The following COP1 variants were observed in gnomAD, a reference collection of about 807,000 sequenced individuals.
COP1 encodes the protein COP1 E3 ubiquitin ligase, also known as E3 ubiquitin-protein ligase COP1.
A neutral mutation model predicts 101.3 loss-of-function variants in COP1; 24 were observed. That is an observed-to-expected ratio of 0.24 (90% CI 0.17 to 0.33). The LOEUF is 0.33. Ranked by LOEUF, COP1 falls within the 10% of genes least tolerant of loss-of-function variation. The probability of loss-of-function intolerance (pLI) is 1.00; values close to 1 mark genes in which losing one functional copy is unlikely to be tolerated. For missense variants in COP1, 663 were observed against 906.2 expected, an observed-to-expected ratio of 0.73 and a Z score of 3.45; for synonymous variants, 347 against 341.9, an observed-to-expected ratio of 1.01 and a Z score of -0.17.
At chr1:176,131,572 G>C (rs1688901816) in intron 8 of COP1, among the ~76,000 whole-genome samples, 1 of 151,654 alleles carries the variant, frequency 6.6e-6, no homozygotes, top group Non-Finnish European at 1.5e-5. Flanking sequence ...TTAAAAGAGA[G>C]ATCAAAACTT....
chr1:176,123,058 T>C (rs1003962905), intron 8 of COP1, among the ~76,000 whole-genome samples: 2 of 152,244 alleles, frequency 1.3e-5, no homozygotes, highest in African/African-American at 4.8e-5. Flanking sequence ...ATTCTACTAC[T>C]ACTTTCCAAC....
intron 15 of COP1, among the ~76,000 whole-genome samples, chr1:175,992,343 T>C (rs1290922719): frequency 1.3e-5 from 2 of 152,210 alleles, no homozygotes; most frequent in African/African-American, 4.8e-5. Context: ...GATTTTGCAT[T>C]TCCATCTGAG....
chr1:176,021,010 GT>G (rs1208439363), intron 15 of COP1, among the ~76,000 whole-genome samples: 1 of 152,066 alleles, frequency 6.6e-6, no homozygotes. Flanking sequence ...GTCTTGCTCT[GT>G]TTCCCAGGAT....
At chr1:176,057,246 A>G (rs1410248159) in intron 11 of COP1, among the ~76,000 whole-genome samples, 10 of 152,188 alleles carry the variant, frequency 6.6e-5, no homozygotes, top group Non-Finnish European at 1.0e-4. Context: ...AGTTTGCTAC[A>G]TGAGTGATAT....
chr1:176,102,777 T>C (rs1048303707), intron 9 of COP1, among the ~76,000 whole-genome samples: 1 of 152,212 alleles, frequency 6.6e-6, no homozygotes, highest in African/African-American at 2.4e-5. Flanking sequence ...GTGCTTGAGA[T>C]ATTTTGCAGA....
intron 9 of COP1, among the ~76,000 whole-genome samples, chr1:176,110,937 A>T (rs1328272955): frequency 1.3e-5 from 2 of 152,160 alleles, no homozygotes; most frequent in East Asian, 3.9e-4. Context: ...GCAGATCATG[A>T]GATCAAGGGA....
chr1:176,204,214 C>T (rs1371512516), intron 1 of COP1, among the ~76,000 whole-genome samples: 1 of 151,856 alleles, frequency 6.6e-6, no homozygotes, highest in African/African-American at 2.4e-5. Flanking sequence ...CTCTGTGCCT[C>T]AATGAGAAAA....
chr1:176,065,552 C>T (rs146909790), intron 11 of COP1, among the ~76,000 whole-genome samples: 24 of 152,164 alleles, frequency 1.6e-4, no homozygotes, highest in Admixed American at 4.6e-4. Flanking sequence ...TGTCACTCTG[C>T]CATAAAAATT....
Position 176,085,811 on chromosome 1 carries a change from T to C in COP1, c.1106A>G (p.Gln369Arg). ...RLTAHFEDLE[Q>R]CYFSTRMSRI... ...AGACATCCTTGTAGAAAAGTAACACTGCTCCAAGTCTTCAAAATGAGCAGT... is the reference window on the plus strand; with the variant it reads ...AGACATCCTTGTAGAAAAGTAACACCGCTCCAAGTCTTCAAAATGAGCAGT... The change falls in exon 10 of 20, where the codon CAG (glutamine) becomes CGG (arginine). Residue 369 changes from glutamine (Q) to arginine (R), a missense_variant. This residue lies in a region of COP1 where 212 missense variants were observed against 240.7 expected (regional missense o/e 0.88). Coordinates refer to ENST00000367669, the MANE Select transcript of COP1 (RefSeq NM_022457.7). 6.2e-7 allele frequency: 1 copy of C among 1,605,912 alleles called. No individual in the cohort carries two copies. The highest frequency in any genetic ancestry group is 8.5e-7 in the Non-Finnish European group (1 of 1,173,912).
At chr1:176,003,318 G>C (rs1172884399) in intron 15 of COP1, among the ~76,000 whole-genome samples, 1 of 152,126 alleles carries the variant, frequency 6.6e-6, no homozygotes, top group Non-Finnish European at 1.5e-5. Context: ...CACTCTGATG[G>C]TAGTTTCTTT....
At chr1:176,178,175 C>T (rs1266560044) in intron 2 of COP1, among the ~76,000 whole-genome samples, 3 of 151,802 alleles carry the variant, frequency 2.0e-5, no homozygotes, top group Admixed American at 6.6e-5. Flanking sequence ...AGAAGCATAA[C>T]GTAGGCAAGC....
chr1:176,035,446 G>T (rs185092835), intron 14 of COP1, among the ~76,000 whole-genome samples: 10 of 151,792 alleles, frequency 6.6e-5, no homozygotes, highest in African/African-American at 2.4e-4. Flanking sequence ...TAAAATCCCA[G>T]AGGAGAGGAA....
At chr1:175,945,509 A>C (rs1649054800) in intron 19 of COP1, among the ~76,000 whole-genome samples, 1 of 152,250 alleles carries the variant, frequency 6.6e-6, no homozygotes, top group African/African-American at 2.4e-5. Flanking sequence ...TGAAAGTTTT[A>C]AGTATCCTTG....
At chr1:176,015,301 T>C (rs948793784) in intron 15 of COP1, among the ~76,000 whole-genome samples, 15 of 152,152 alleles carry the variant, frequency 9.9e-5, no homozygotes, top group African/African-American at 2.4e-5. Context: ...AAGAGCTGAG[T>C]ATTCAGGCAA....
intron 6 of COP1, among the ~76,000 whole-genome samples, chr1:176,145,442 T>A (rs1174551067): frequency 6.6e-6 from 1 of 152,160 alleles, no homozygotes; most frequent in African/African-American, 2.4e-5. Flanking sequence ...GAAAAAATAT[T>A]TTGGCATTAT....
At chr1:176,053,079 T>C (rs1672848430) in intron 11 of COP1, among the ~76,000 whole-genome samples, 1 of 152,160 alleles carries the variant, frequency 6.6e-6, no homozygotes. Context: ...ACCTAGAATA[T>C]GAAGTGCTAG....
intron 5 of COP1, among the ~76,000 whole-genome samples, chr1:176,161,159 A>T (rs1388274964): frequency 6.6e-6 from 1 of 152,184 alleles, no homozygotes; most frequent in Admixed American, 6.5e-5. Context: ...CATCTGTTTC[A>T]TAGCTTAGAA....
chr1:176,066,631 C>CAGAGT (rs1419016497), intron 11 of COP1, among the ~76,000 whole-genome samples: 3 of 152,170 alleles, frequency 2.0e-5, no homozygotes, highest in Non-Finnish European at 4.4e-5. Context: ...GGTTCTCCAG[C>CAGAGT]AGAGTAAGAG....
chr1:176,189,393 T>C (rs1200275758), intron 1 of COP1, among the ~76,000 whole-genome samples: 2 of 152,008 alleles, frequency 1.3e-5, no homozygotes, highest in Admixed American at 6.6e-5. Flanking sequence ...TCTTTTTCCG[T>C]TGGGAATTCT....
Sources: allele counts gnomAD v4.1 joint callset (sites outside exome capture counted in the v4.1 genomes callset), GRCh38; gene constraint gnomAD v4.1.1; regional missense constraint gnomAD v4.1.1; transcripts MANE v1.5; gene names NCBI Gene and HGNC (gene_info 2026-07-23, HGNC 2026-07-21).